Variants in DIP2C observed in about 807,000 individuals in gnomAD.
DIP2C encodes the protein DIP2 acetate--CoA ligase C (putative), also known as disco-interacting protein 2 homolog C.
In DIP2C, 33 loss-of-function variants were observed where a neutral mutation model predicts 192.4. The observed-to-expected ratio is 0.17, with a 90% CI of 0.13 to 0.23. DIP2C has a LOEUF of 0.23. Among genes scored for constraint, DIP2C ranks in the 10% least tolerant of loss-of-function variants. The probability of loss-of-function intolerance (pLI) is 1.00; values close to 1 mark genes in which losing one functional copy is unlikely to be tolerated. For synonymous variants in DIP2C, 979 were observed against 864.1 expected (o/e 1.13, Z -2.33); for missense variants, 1,537 against 2,110.1 (o/e 0.73, Z 5.32).
At chr10:435,547 C>G (rs1197328833) in intron 4 of DIP2C, among the ~76,000 whole-genome samples, 1 of 152,288 alleles carries the variant, frequency 6.6e-6, no homozygotes, top group African/African-American at 2.4e-5. Flanking sequence ...GCGGGGGTTC[C>G]TTGGAGCTTT....
At chr10:375,095 G>A (rs1961410882) in intron 17 of DIP2C, among the ~76,000 whole-genome samples, 1 of 152,230 alleles carries the variant, frequency 6.6e-6, no homozygotes, top group African/African-American at 2.4e-5. Flanking sequence ...GTGCAAAAGG[G>A]AAACAAAATA....
intron 1 of DIP2C, among the ~76,000 whole-genome samples, chr10:670,600 G>A (rs2132142253): frequency 6.6e-6 from 1 of 152,326 alleles, no homozygotes; most frequent in South Asian, 2.1e-4. Context: ...CCTGGATTAA[G>A]ATGATTTCAT....
chr10:498,190 G>A (rs1012766493), intron 1 of DIP2C, among the ~76,000 whole-genome samples: 3 of 152,190 alleles, frequency 2.0e-5, no homozygotes, highest in African/African-American at 7.2e-5. Flanking sequence ...CATAAACACA[G>A]TACTTGAGTT....
At chr10:305,994 T>TATATATATATATATATATATATA (rs201950305) in intron 32 of DIP2C, among the ~76,000 whole-genome samples, 3 of 148,672 alleles carry the variant, frequency 2.0e-5, no homozygotes, top group African/African-American at 7.7e-5. Context: ...TATATATATA[T>TATATATATATATATATATATATA]TATATTTTTT....
intron 3 of DIP2C, among the ~76,000 whole-genome samples, chr10:444,219 A>G (rs372291501): frequency 6.6e-6 from 1 of 151,108 alleles, no homozygotes; most frequent in East Asian, 2.0e-4. Flanking sequence ...ACTCGTGTAG[A>G]TTCTCTACCA....
intron 4 of DIP2C, among the ~76,000 whole-genome samples, chr10:425,086 G>T (rs1966493198): frequency 3.5e-5 from 2 of 57,868 alleles, no homozygotes; most frequent in South Asian, 2.0e-3. Context: ...ATGACCAGCG[G>T]TGACTAATAT....
At chr10:677,076 T>C (rs987589676) in intron 1 of DIP2C, among the ~76,000 whole-genome samples, 1 of 152,232 alleles carries the variant, frequency 6.6e-6, no homozygotes, top group African/African-American at 2.4e-5. Context: ...ATGTGTCCAT[T>C]AAAAAGAATA....
At chr10:603,571 T>C (rs549447418) in intron 1 of DIP2C, among the ~76,000 whole-genome samples, 5 of 152,234 alleles carry the variant, frequency 3.3e-5, no homozygotes, top group South Asian at 2.1e-4. Flanking sequence ...ACCCAAATCA[T>C]AGAACCACAG....
chr10:499,306 C>CTG (rs1491134338), intron 1 of DIP2C, among the ~76,000 whole-genome samples: 1 of 152,210 alleles, frequency 6.6e-6, no homozygotes, highest in Non-Finnish European at 1.5e-5. Flanking sequence ...CACCTTCTCC[C>CTG]TGTGTGGACG....
chr10:342,940 T>A (rs1346867853), intron 28 of DIP2C, among the ~76,000 whole-genome samples: 2 of 152,086 alleles, frequency 1.3e-5, no homozygotes, highest in Non-Finnish European at 2.9e-5. Context: ...CAAACAAACC[T>A]CAGAGGAAAA....
At chr10:417,214 A>AC (rs1301635870) in intron 6 of DIP2C, among the ~76,000 whole-genome samples, 1 of 151,952 alleles carries the variant, frequency 6.6e-6, no homozygotes, top group Non-Finnish European at 1.5e-5. Context: ...TGCCTCAGGG[A>AC]CCCCCGAACT....
chr10:296,855 A>G (rs1355589098), intron 32 of DIP2C, among the ~76,000 whole-genome samples: 2 of 127,624 alleles, frequency 1.6e-5, no homozygotes, highest in Non-Finnish European at 3.1e-5. Context: ...ACTTGGACAC[A>G]GGAAGGGGAA....
intron 3 of DIP2C, among the ~76,000 whole-genome samples, chr10:446,379 T>C (rs1299674211): frequency 6.6e-6 from 1 of 152,164 alleles, no homozygotes; most frequent in African/African-American, 2.4e-5. Context: ...GGCATCTGTA[T>C]ACCTCTGTTG....
At chr10:593,377 T>C (rs534966415) in intron 1 of DIP2C, among the ~76,000 whole-genome samples, 2 of 152,052 alleles carry the variant, frequency 1.3e-5, no homozygotes, top group Non-Finnish European at 1.5e-5. Context: ...ATCACCTTAG[T>C]GATAATTTAT....
chr10:348,496 G>A, intron 26 of DIP2C, 145 bp downstream of exon 26: 1 of 1,291,576 alleles, frequency 7.7e-7, no homozygotes, highest in Admixed American at 2.5e-5. Context: ...CCTGCAGGTA[G>A]AGACCCTGTC....
chr10:372,778 G>T (rs984583247), intron 17 of DIP2C, among the ~76,000 whole-genome samples: 1 of 152,106 alleles, frequency 6.6e-6, no homozygotes, highest in Non-Finnish European at 1.5e-5. Context: ...GGTGGGCACA[G>T]AAGCGCGGGA....
chr10:676,068 T>G (rs929864149), intron 1 of DIP2C, among the ~76,000 whole-genome samples: 1 of 152,110 alleles, frequency 6.6e-6, no homozygotes, highest in African/African-American at 2.4e-5. Context: ...TACACCACGA[T>G]CAAGTGGGAT....
chr10:307,755 G>A (rs758486307), intron 32 of DIP2C, among the ~76,000 whole-genome samples: 27 of 152,258 alleles, frequency 1.8e-4, no homozygotes, highest in East Asian at 9.6e-4. Flanking sequence ...TGTCCCACCC[G>A]AGGGCACGGG....
chr10:475,953 A>G (rs2133465491), intron 2 of DIP2C, among the ~76,000 whole-genome samples: 1 of 152,320 alleles, frequency 6.6e-6, no homozygotes. Context: ...AACATGAACA[A>G]TCACTAAGAC....
Sources: allele counts gnomAD v4.1 joint callset (sites outside exome capture counted in the v4.1 genomes callset), GRCh38; gene constraint gnomAD v4.1.1; transcripts MANE v1.5; gene names NCBI Gene and HGNC (gene_info 2026-07-23, HGNC 2026-07-21).